DIAPH2: variants seen among roughly 807,000 people sequenced by gnomAD.
DIAPH2 encodes the protein diaphanous related formin 2, also known as protein diaphanous homolog 2.
A neutral mutation model predicts 92.7 loss-of-function variants in DIAPH2; 35 were observed. The observed-to-expected ratio is 0.38, with a 90% CI of 0.29 to 0.50. The LOEUF is 0.50. DIAPH2 is among the 20% of genes least tolerant of loss of function. The pLI is 0.94. For missense variants in DIAPH2, 701 were observed against 819.5 expected (o/e 0.86, Z 1.77); for synonymous variants, 301 against 280.4 (o/e 1.07, Z -0.73).
rs142183707 is a variant in DIAPH2 at position 96,835,228 on chromosome X, A to G, written c.448-46351A>G. On this transcript the variant is annotated intron_variant, in intron 4 of 26. Coordinates refer to ENST00000324765, the MANE Select transcript of DIAPH2 (RefSeq NM_006729.5). ...AACACAGGGCATGTCCTCAGCAAATAAGGGAATAACAACAAAACCAACAAC... is the reference window on the plus strand; with the variant it reads ...AACACAGGGCATGTCCTCAGCAAATGAGGGAATAACAACAAAACCAACAAC... Among the ~76,000 whole-genome samples the G allele has an allele frequency of 9.7e-4, 109 of 112,014 alleles. 1 individual carries two copies. The highest frequency in any genetic ancestry group is 9.3e-3 in the Middle Eastern group (2 of 216).
intron 25 of DIAPH2, among the ~76,000 whole-genome samples, chrX:97,414,897 A>T (rs184241608): frequency 9.0e-6 from 1 of 111,499 alleles, no homozygotes; most frequent in Non-Finnish European, 1.9e-5. Flanking sequence ...AGCAAAAGAA[A>T]CCACCATCAG....
intron 4 of DIAPH2, among the ~76,000 whole-genome samples, chrX:96,786,896 C>T (rs2064460219): frequency 8.9e-6 from 1 of 112,052 alleles, no homozygotes; most frequent in Non-Finnish European, 1.9e-5. Context: ...AGTATGCAAG[C>T]AGTAGCTTCT....
intron 23 of DIAPH2, among the ~76,000 whole-genome samples, chrX:97,276,019 AATC>A: frequency 8.8e-6 from 1 of 113,042 alleles, no homozygotes; most frequent in Non-Finnish European, 1.9e-5. Context: ...CTCCGTCTGC[AATC>A]CCGGCACCTC....
intron 15 of DIAPH2, among the ~76,000 whole-genome samples, chrX:96,954,751 T>C (rs191764335): frequency 1.8e-5 from 2 of 112,393 alleles, no homozygotes; most frequent in East Asian, 5.6e-4. Context: ...AGGGTTATAA[T>C]AAGGATCAAA....
chrX:97,392,065 A>G (rs899589019), intron 25 of DIAPH2, among the ~76,000 whole-genome samples: 6 of 112,128 alleles, frequency 5.4e-5, no homozygotes, highest in African/African-American at 1.9e-4. Flanking sequence ...GCATTTTATA[A>G]ACATTAAGTG....
At chrX:97,072,681 C>T (rs952791460) in intron 17 of DIAPH2, among the ~76,000 whole-genome samples, 9 of 111,581 alleles carry the variant, frequency 8.1e-5, no homozygotes, top group South Asian at 3.8e-4. Flanking sequence ...ATTAATGTTG[C>T]GTATTAGGTA....
intron 23 of DIAPH2, among the ~76,000 whole-genome samples, chrX:97,275,678 C>T (rs1185028500): frequency 9.6e-5 from 10 of 104,144 alleles, no homozygotes; most frequent in South Asian, 4.6e-4. Flanking sequence ...ACATCCCAGA[C>T]GGGGCGGCGG....
chrX:97,258,990 C>T (rs766908169), intron 23 of DIAPH2, among the ~76,000 whole-genome samples: 1 of 111,026 alleles, frequency 9.0e-6, no homozygotes, highest in Non-Finnish European at 1.9e-5. Context: ...ACGCTCAACA[C>T]AGACAGAAAA....
At chrX:97,518,683 G>T (rs754810974) in intron 26 of DIAPH2, among the ~76,000 whole-genome samples, 1 of 110,601 alleles carries the variant, frequency 9.0e-6, no homozygotes, top group African/African-American at 3.3e-5. Context: ...GTATTAGAGC[G>T]CAAGTGAGTA....
chrX:97,077,765 T>G (rs1176439038), intron 19 of DIAPH2, among the ~76,000 whole-genome samples: 2 of 112,340 alleles, frequency 1.8e-5, no homozygotes, highest in African/African-American at 6.5e-5. Flanking sequence ...AATATCAATT[T>G]TCATTTTATT....
At chrX:96,925,259 C>T (rs1216839157) in intron 9 of DIAPH2, among the ~76,000 whole-genome samples, 2 of 110,645 alleles carry the variant, frequency 1.8e-5, no homozygotes, top group Non-Finnish European at 3.8e-5. Context: ...TAAAAAAAAT[C>T]CTTCTCCCTA....
chrX:96,965,301 T>C lies in DIAPH2; in HGVS notation c.2050+94T>C, dbSNP rs1402592355. On this transcript the variant is annotated intron_variant, in intron 17 of 26. Coordinates refer to ENST00000324765, the MANE Select transcript of DIAPH2 (RefSeq NM_006729.5). Reference sequence around the variant, plus strand: ...TTTCTAGTAATGGGTATATGTATACTTTTCCCACACTGGACAGGGTGAAAC... The same window carrying C: ...TTTCTAGTAATGGGTATATGTATACCTTTCCCACACTGGACAGGGTGAAAC... 3 of 526,050 alleles carry C rather than the reference T, an allele frequency of 5.7e-6. No homozygotes were observed. The African/African-American group carries it at 7.4e-5, about 13-fold the overall frequency. 43.4% of individuals were successfully genotyped at this position (526,050 alleles called of 1,213,427 possible).
rs769666623 is a variant in DIAPH2 at position 97,229,839 on chromosome X, CTTA to C, written c.2720-17871_2720-17869del. ...ATTATATATAATAACAATATTACATCTTATTATATATAACATATTATATATTAT... is the reference window on the plus strand; with the variant it reads ...ATTATATATAATAACAATATTACATCTTATATATAACATATTATATATTAT... On this transcript the variant is annotated intron_variant, in intron 22 of 26. Coordinates refer to ENST00000324765, the MANE Select transcript of DIAPH2 (RefSeq NM_006729.5). 2.9e-3 allele frequency among the ~76,000 whole-genome samples: 272 copies of C among 95,190 alleles called. 2 individuals carry two copies. Among genetic ancestry groups the C allele is most frequent in the African/African-American group, 0.01 (252 of 25,038 alleles). The allele number at this position is 95,190 out of a possible 115,157, so 82.7% of individuals were successfully genotyped here. A position where few individuals can be genotyped will look rare whatever the true frequency, so the allele number is the denominator to read the frequency against.
At chrX:97,282,505 T>G (rs2068507026) in intron 23 of DIAPH2, among the ~76,000 whole-genome samples, 1 of 110,898 alleles carries the variant, frequency 9.0e-6, no homozygotes, top group Non-Finnish European at 1.9e-5. Flanking sequence ...GAGATGGGGT[T>G]TTACCATGTT....
At chrX:96,855,168 T>C (rs2065031817) in intron 4 of DIAPH2, among the ~76,000 whole-genome samples, 1 of 111,375 alleles carries the variant, frequency 9.0e-6, no homozygotes, top group South Asian at 3.8e-4. Flanking sequence ...TATCTTCTCC[T>C]TAGATTTTTT....
At chrX:96,960,242 A>G (rs1479281871) in intron 16 of DIAPH2, among the ~76,000 whole-genome samples, 4 of 111,421 alleles carry the variant, frequency 3.6e-5, no homozygotes, top group Non-Finnish European at 7.6e-5. Context: ...TTCTATGAGC[A>G]TTGTCTCTTT....
At chrX:97,543,233 T>C (rs1203627318) in intron 26 of DIAPH2, among the ~76,000 whole-genome samples, 1 of 111,980 alleles carries the variant, frequency 8.9e-6, no homozygotes, top group East Asian at 2.8e-4. Flanking sequence ...GCTTCTTACA[T>C]GGCGCATGTA....
intron 4 of DIAPH2, among the ~76,000 whole-genome samples, chrX:96,780,303 T>C (rs1253800756): frequency 9.0e-6 from 1 of 111,071 alleles, no homozygotes; most frequent in Admixed American, 9.6e-5. Context: ...CTTGAAAAAA[T>C]GTTTAGTCTT....
intron 23 of DIAPH2, among the ~76,000 whole-genome samples, chrX:97,306,884 A>G (rs2068751449): frequency 8.9e-6 from 1 of 112,230 alleles, no homozygotes; most frequent in Non-Finnish European, 1.9e-5. Context: ...AGAAAAAAAG[A>G]CTTTCCACAC....
Sources: gnomAD v4.1 joint callset for allele counts (sites outside exome capture counted in the v4.1 genomes callset) on GRCh38, gnomAD v4.1.1 for gene constraint, MANE v1.5 for transcripts, NCBI Gene and HGNC (gene_info 2026-07-23, HGNC 2026-07-21) for gene names.